CCNY: variants seen among roughly 807,000 people sequenced by gnomAD.
CCNY encodes cyclin Y, also known as cyclin-Y.
CCNY carries 19 observed loss-of-function variants against 42.8 expected under a neutral mutation model. The ratio of observed to expected loss-of-function variants is 0.44; its 90% CI spans 0.31 to 0.65. CCNY has a LOEUF of 0.65. CCNY is among the 30% of genes least tolerant of loss of function. The pLI, the probability that CCNY is intolerant of heterozygous loss-of-function variation, is 0.07. For synonymous variants in CCNY, 165 were observed against 162.7 expected, an observed-to-expected ratio of 1.01 and a Z score of -0.11; for missense variants, 370 against 437.3, an observed-to-expected ratio of 0.85 and a Z score of 1.37.
chr10:35,251,714 G>A (rs192576533), intron 3 of CCNY, among the ~76,000 whole-genome samples: 2 of 151,592 alleles, frequency 1.3e-5, no homozygotes, highest in Admixed American at 6.6e-5. Context: ...TCAACCTCTC[G>A]AGTAGCTGGG....
intron 3 of CCNY, among the ~76,000 whole-genome samples, chr10:35,299,255 G>T (rs1335449156): frequency 1.3e-5 from 2 of 152,240 alleles, no homozygotes; most frequent in African/African-American, 4.8e-5. Context: ...GCAGGGTGGA[G>T]CGTTCTGTAA....
intron 1 of CCNY, among the ~76,000 whole-genome samples, chr10:35,384,717 G>A (rs1018298582): frequency 1.3e-5 from 2 of 152,114 alleles, no homozygotes; most frequent in Admixed American, 6.5e-5. Flanking sequence ...CCAGTCCTGG[G>A]CACATAGTTT....
At chr10:35,496,192 T>G (rs186639231) in intron 2 of CCNY, among the ~76,000 whole-genome samples, 1 of 152,256 alleles carries the variant, frequency 6.6e-6, no homozygotes, top group Non-Finnish European at 1.5e-5. Context: ...ACATCCAGAG[T>G]AGTTAATCAG....
At chr10:35,329,898 A>G (rs1289793412) in intron 3 of CCNY, among the ~76,000 whole-genome samples, 2 of 152,176 alleles carry the variant, frequency 1.3e-5, no homozygotes, top group African/African-American at 4.8e-5. Context: ...CTGCTTCAGT[A>G]GGGTCTATTG....
At chr10:35,483,525 G>A (rs1439060596) in intron 2 of CCNY, 47 bp downstream of exon 2, 13 of 1,202,322 alleles carry the variant, frequency 1.1e-5, no homozygotes, top group Non-Finnish European at 1.2e-5. Context: ...GCTCATGTTG[G>A]TACTTCGCCT....
At chr10:35,476,930 T>C (rs1444388117) in intron 1 of CCNY, among the ~76,000 whole-genome samples, 19 of 151,712 alleles carry the variant, frequency 1.3e-4, no homozygotes, top group Non-Finnish European at 2.2e-4. Flanking sequence ...ATCAAATAGA[T>C]GCAATAAAAA....
intron 4 of CCNY, among the ~76,000 whole-genome samples, chr10:35,522,660 C>G (rs1840572732): frequency 6.6e-6 from 1 of 152,144 alleles, no homozygotes; most frequent in Non-Finnish European, 1.5e-5. Flanking sequence ...TACACAGAAC[C>G]CATACAACAG....
intron 1 of CCNY, among the ~76,000 whole-genome samples, chr10:35,480,724 T>C (rs1477683008): frequency 6.6e-6 from 1 of 152,114 alleles, no homozygotes; most frequent in Non-Finnish European, 1.5e-5. Context: ...CCCAGCACTT[T>C]GGGAGGCTGA....
At chr10:35,280,772 T>A (rs1436939538) in intron 3 of CCNY, among the ~76,000 whole-genome samples, 1 of 151,958 alleles carries the variant, frequency 6.6e-6, no homozygotes, top group East Asian at 1.9e-4. Context: ...ATAGAAAACA[T>A]TTACACTTCA....
At chr10:35,330,427 A>C (rs915901891) in intron 3 of CCNY, among the ~76,000 whole-genome samples, 13 of 152,174 alleles carry the variant, frequency 8.5e-5, no homozygotes. Context: ...AGCCAAGTAC[A>C]CATGATAGCC....
In CCNY at chr10:35,337,130, A is replaced by G. The variant is rs1292065835; in HGVS notation, c.77A>G (p.Tyr26Cys). The change falls in exon 1 of 10, where the codon TAC becomes TGC. Residue 26 changes from tyrosine to cysteine, a missense_variant. Physicochemically the swap from Tyr to Cys is radical, Grantham distance 194. Coordinates refer to ENST00000374704, the MANE Select transcript of CCNY (RefSeq NM_145012.6). ...AATGCCCACTCCCGGCTGGAGTCCT[A>G]CCGGCCAGACACGGACCTGAGCCGC... ...RRNAHSRLES[Y>C]RPDTDLSRED... is the part of the protein sequence containing the mutation. The G allele has an allele frequency of 3.8e-6, 6 of 1,588,822 alleles. No homozygotes were observed. Among genetic ancestry groups the G allele is most frequent in the African/African-American group, 2.7e-5 (2 of 72,790 alleles).
chr10:35,331,400 G>C (rs1381151577), intron 3 of CCNY, among the ~76,000 whole-genome samples: 2 of 152,236 alleles, frequency 1.3e-5, no homozygotes, highest in African/African-American at 4.8e-5. Flanking sequence ...GGCTTCCTAA[G>C]GCCATTTAGT....
At chr10:35,262,304 CAGA>C (rs1262181733) in intron 3 of CCNY, among the ~76,000 whole-genome samples, 1 of 136,470 alleles carries the variant, frequency 7.3e-6, no homozygotes, top group Non-Finnish European at 1.6e-5. Context: ...GAGTGTCACA[CAGA>C]AGGTCAACAT....
intron 1 of CCNY, among the ~76,000 whole-genome samples, chr10:35,354,046 C>G (rs1342363977): frequency 6.6e-6 from 1 of 152,184 alleles, no homozygotes; most frequent in East Asian, 1.9e-4. Flanking sequence ...ATCAGGTGCT[C>G]ACTGGCTGTT....
At chr10:35,559,193 C>G (rs1841417294) in intron 8 of CCNY, among the ~76,000 whole-genome samples, 1 of 152,156 alleles carries the variant, frequency 6.6e-6, no homozygotes, top group African/African-American at 2.4e-5. Flanking sequence ...ATGGTGAGGT[C>G]TCAGAAAGAA....
At chr10:35,339,251 A>C (rs1336877997) in intron 1 of CCNY, among the ~76,000 whole-genome samples, 1 of 152,328 alleles carries the variant, frequency 6.6e-6, no homozygotes, top group African/African-American at 2.4e-5. Flanking sequence ...CTAGTACTGG[A>C]CATTGCCATT....
chr10:35,263,864 T>C (rs968709706), intron 3 of CCNY, among the ~76,000 whole-genome samples: 2 of 152,110 alleles, frequency 1.3e-5, no homozygotes, highest in Non-Finnish European at 2.9e-5. Flanking sequence ...CTAGTGTGTG[T>C]TGTTCCTCCC....
intron 2 of CCNY, among the ~76,000 whole-genome samples, chr10:35,249,983 A>G (rs2095710688): frequency 6.6e-6 from 1 of 152,098 alleles, no homozygotes; most frequent in Non-Finnish European, 1.5e-5. Flanking sequence ...TCACAAGGTC[A>G]GGAGATCGAG....
chr10:35,384,742 C>G (rs1375257308), intron 1 of CCNY, among the ~76,000 whole-genome samples: 1 of 152,140 alleles, frequency 6.6e-6, no homozygotes, highest in Non-Finnish European at 1.5e-5. Context: ...GTCCTTCTCC[C>G]CCAGGGACAA....
Sources: gnomAD v4.1 joint callset for allele counts (sites outside exome capture counted in the v4.1 genomes callset) on GRCh38, gnomAD v4.1.1 for gene constraint, MANE v1.5 for transcripts, NCBI Gene and HGNC (gene_info 2026-07-23, HGNC 2026-07-21) for gene names.